The following CAMTA1 variants were observed in gnomAD, a reference collection of about 807,000 sequenced individuals.
CAMTA1 encodes the protein calmodulin-binding transcription activator 1.
In CAMTA1, 27 loss-of-function variants were observed where a neutral mutation model predicts 170.9. The observed-to-expected ratio is 0.16, with a 90% confidence interval of 0.12 to 0.22. The LOEUF is 0.22. Ranked by LOEUF, CAMTA1 falls within the 10% of genes least tolerant of loss-of-function variation. The probability of loss-of-function intolerance (pLI) is 1.00; values close to 1 mark genes in which losing one functional copy is unlikely to be tolerated. For missense variants in CAMTA1, 1,619 were observed against 2,217.2 expected (o/e 0.73, Z 5.42); for synonymous variants, 833 against 891.5 (o/e 0.93, Z 1.17).
intron 3 of CAMTA1, among the ~76,000 whole-genome samples, chr1:6,993,661 A>G (rs1427444770): frequency 4.6e-5 from 7 of 152,156 alleles, no homozygotes; most frequent in Non-Finnish European, 7.4e-5. Context: ...AGTCTACGCT[A>G]CATAGCCATT....
chr1:7,504,379 G>A (rs894385403), intron 6 of CAMTA1, among the ~76,000 whole-genome samples: 1 of 152,214 alleles, frequency 6.6e-6, no homozygotes, highest in Non-Finnish European at 1.5e-5. Context: ...CTTGCTGCCT[G>A]GGCTTGGCCT....
rs1407167469 is a variant in CAMTA1 at position 7,146,162 on chromosome 1, C to T, written c.302+54791C>T. The stretch of plus-strand genomic sequence containing the variant: ...GGGATGGGCAGTCATGGTGCTTCCC[C>T]GCCCTGGGCAGCTGCTTATTCCAGA... On this transcript the variant is annotated intron_variant, in intron 4 of 22. Transcript: ENST00000303635. The surrounding 1 kb of genome is among the most constrained non-coding windows in gnomAD (Gnocchi z 4.3). Among the ~76,000 whole-genome samples the T allele has an allele frequency of 1.3e-5, 2 of 151,774 alleles. No homozygotes were observed. Among genetic ancestry groups the T allele is most frequent in the Non-Finnish European group, 2.9e-5 (2 of 67,928 alleles).
chr1:7,029,345 CA>C (rs1702463178), intron 3 of CAMTA1, among the ~76,000 whole-genome samples: 2 of 151,726 alleles, frequency 1.3e-5, no homozygotes, highest in African/African-American at 4.8e-5. Flanking sequence ...ACTAAATATA[CA>C]AAAAAATTAG....
chr1:7,252,930 C>T (rs546434618), intron 5 of CAMTA1, among the ~76,000 whole-genome samples: 5 of 152,286 alleles, frequency 3.3e-5, no homozygotes, highest in South Asian at 2.1e-4. Flanking sequence ...TCTCTACACA[C>T]GGCAATTCAA....
chr1:7,615,295 C>T (rs1316639137), intron 6 of CAMTA1, among the ~76,000 whole-genome samples: 1 of 152,214 alleles, frequency 6.6e-6, no homozygotes, highest in Non-Finnish European at 1.5e-5. Context: ...AAGGGCAATG[C>T]AGGCCTCATA....
intron 5 of CAMTA1, among the ~76,000 whole-genome samples, chr1:7,457,382 C>CT (rs2149490284): frequency 1.3e-5 from 2 of 152,190 alleles, no homozygotes; most frequent in South Asian, 4.2e-4. Flanking sequence ...GATGTTTCCC[C>CT]TGCAGATACT....
intron 6 of CAMTA1, among the ~76,000 whole-genome samples, chr1:7,621,258 T>G (rs2095596396): frequency 6.6e-6 from 1 of 152,226 alleles, no homozygotes; most frequent in African/African-American, 2.4e-5. Context: ...CCAAGGGCTC[T>G]GGGAGGACCC....
At chr1:7,149,203 T>A (rs958368711) in intron 4 of CAMTA1, among the ~76,000 whole-genome samples, 3 of 152,074 alleles carry the variant, frequency 2.0e-5, no homozygotes, top group African/African-American at 7.2e-5. Context: ...GAATTGGGAG[T>A]CCCAGATGTC....
At chr1:7,031,285 C>T (rs1702766110) in intron 3 of CAMTA1, among the ~76,000 whole-genome samples, 1 of 151,954 alleles carries the variant, frequency 6.6e-6, no homozygotes, top group South Asian at 2.1e-4. Context: ...CTGTTATGTC[C>T]TCATGACTAA....
intron 3 of CAMTA1, among the ~76,000 whole-genome samples, chr1:6,912,975 T>C (rs1680035119): frequency 6.6e-6 from 1 of 152,166 alleles, no homozygotes; most frequent in Non-Finnish European, 1.5e-5. Context: ...AGCGTGGAGT[T>C]ATTGCCTTGC....
intron 3 of CAMTA1, among the ~76,000 whole-genome samples, chr1:6,895,099 A>G (rs1165978107): frequency 6.6e-6 from 1 of 152,224 alleles, no homozygotes; most frequent in Admixed American, 6.5e-5. Flanking sequence ...TTGTCTAAGT[A>G]TTAACACTTA....
intron 3 of CAMTA1, among the ~76,000 whole-genome samples, chr1:6,982,512 G>A (rs1222530571): frequency 6.6e-6 from 1 of 152,164 alleles, no homozygotes; most frequent in Non-Finnish European, 1.5e-5. Context: ...TCCTTATGGG[G>A]GTGGGTGGCA....
chr1:7,549,752 G>A (rs1251000666), intron 6 of CAMTA1, among the ~76,000 whole-genome samples: 2 of 151,938 alleles, frequency 1.3e-5, no homozygotes, highest in Non-Finnish European at 2.9e-5. Flanking sequence ...ACTCAAGCAT[G>A]TCAGAAAGTG....
chr1:7,498,699 ATG>A (rs1473286936), intron 6 of CAMTA1, among the ~76,000 whole-genome samples: 3 of 151,286 alleles, frequency 2.0e-5, no homozygotes, highest in Non-Finnish European at 3.0e-5. Flanking sequence ...ATGTGTGTAT[ATG>A]TGTGTGCACA....
intron 22 of CAMTA1, among the ~76,000 whole-genome samples, chr1:7,759,540 T>G (rs1047248456): frequency 1.3e-5 from 2 of 152,204 alleles, no homozygotes; most frequent in Admixed American, 1.3e-4. Context: ...CTGTTTTTTG[T>G]CTTGGACACA....
intron 5 of CAMTA1, among the ~76,000 whole-genome samples, chr1:7,410,117 AG>A (rs1222054969): frequency 1.3e-5 from 2 of 152,250 alleles, no homozygotes; most frequent in Admixed American, 6.5e-5. Flanking sequence ...GAAGGAAAGC[AG>A]TAAGGATTTG....
Position 7,113,011 on chromosome 1 carries a change from C to T in CAMTA1, c.302+21640C>T, listed in dbSNP as rs1036886845. Among the ~76,000 whole-genome samples the T allele has an allele frequency of 2.0e-5, 3 of 152,236 alleles. No individual in the cohort carries two copies. Among genetic ancestry groups the T allele is most frequent in the African/African-American group, 7.2e-5 (3 of 41,454 alleles). ...GAAACCTTTCCCGGCAGCCTCACGT[C>T]TGCTTTTCAGGTACTCTGGTTCCAT... On this transcript the variant is annotated intron_variant, in intron 4 of 22. Transcript: ENST00000303635. This position sits in a 1 kb window ranked among gnomAD's most constrained non-coding sequence, Gnocchi z 4.5.
rs963594701 is a variant in CAMTA1 at position 7,567,164 on chromosome 1, G to A, written c.511-73236G>A. Among the ~76,000 whole-genome samples the A allele has an allele frequency of 5.3e-5, 8 of 152,236 alleles. No homozygotes were observed. In the South Asian group the frequency reaches 6.2e-4, roughly 12 times the overall value. On this transcript the variant is annotated intron_variant, in intron 6 of 22. Transcript: ENST00000303635. ...ATGTGGTTCTGGAAGGCACTCTGAG[G>A]AGGCAGCTTGGCTGGCAACCTGGCA...
At chr1:6,805,966 G>GT (rs958306047) in intron 1 of CAMTA1, among the ~76,000 whole-genome samples, 15 of 151,818 alleles carry the variant, frequency 9.9e-5, no homozygotes, top group Non-Finnish European at 1.6e-4. Flanking sequence ...TTACACCTGT[G>GT]TTTTTTTGTT....
Sources: allele counts gnomAD v4.1 joint callset (sites outside exome capture counted in the v4.1 genomes callset), GRCh38; gene constraint gnomAD v4.1.1; non-coding constraint Gnocchi (gnomAD v3.1); transcripts MANE v1.5; gene names NCBI Gene and HGNC (gene_info 2026-07-23, HGNC 2026-07-21).